The following MAP3K4 variants were observed in gnomAD, a reference collection of about 807,000 sequenced individuals.
MAP3K4 encodes the protein MAP three kinase 1.
A neutral mutation model predicts 185.6 loss-of-function variants in MAP3K4; 67 were observed. That is an observed-to-expected ratio of 0.36 (90% confidence interval 0.30 to 0.44). MAP3K4 has a LOEUF of 0.44. Ranked by LOEUF, MAP3K4 falls within the 20% of genes least tolerant of loss-of-function variation. The probability of loss-of-function intolerance (pLI) is 1.00; values close to 1 mark genes in which losing one functional copy is unlikely to be tolerated. For synonymous variants in MAP3K4, 702 were observed against 710.4 expected, an observed-to-expected ratio of 0.99 and a Z score of 0.19; for missense variants, 1,551 against 1,995.1, an observed-to-expected ratio of 0.78 and a Z score of 4.24.
intron 25 of MAP3K4, among the ~76,000 whole-genome samples, chr6:161,113,790 CTTTTTT>C (rs963260228): frequency 1.4e-5 from 1 of 71,076 alleles, no homozygotes; most frequent in African/African-American, 5.9e-5. Flanking sequence ...ATATGAGTGA[CTTTTTT>C]TTTTTTTTTT....
chr6:161,024,238 G>A (rs1025004490), intron 1 of MAP3K4, among the ~76,000 whole-genome samples: 2 of 152,010 alleles, frequency 1.3e-5, no homozygotes, highest in Non-Finnish European at 2.9e-5. Context: ...TAGAGTGTTG[G>A]GATTATAGAT....
intron 1 of MAP3K4, among the ~76,000 whole-genome samples, chr6:161,027,454 T>G (rs1394972109): frequency 6.6e-6 from 1 of 152,138 alleles, no homozygotes; most frequent in Non-Finnish European, 1.5e-5. Context: ...TGCCTTCAAA[T>G]TAGGTGTAAG....
At position 161,108,803 on chromosome 6, in the gene MAP3K4, T is replaced by C. The variant is rs754673160; in HGVS notation, c.4180T>C (p.Phe1394Leu). 2 of 1,614,060 alleles carry C rather than the reference T, an allele frequency of 1.2e-6. No homozygotes were observed. Among genetic ancestry groups the C allele is most frequent in the East Asian group, 2.2e-5 (1 of 44,878 alleles). Residue 1394 changes from phenylalanine to leucine, a missense_variant, in exon 22 of 27, where the codon TTC becomes CTC. Around this residue, in one of 16 missense-constraint regions of MAP3K4, gnomAD observed 159 missense variants for 300.5 expected, o/e 0.53. Transcript: ENST00000392142. This position sits in a 1 kb window ranked among gnomAD's most constrained non-coding sequence, Gnocchi z 5.7. ...IKETADELKIFEGIKHPNLVR... is the reference protein window; with the variant it reads ...IKETADELKILEGIKHPNLVR... ...GGAAACTGCAGACGAATTGAAAATA[T>C]TCGAAGGCATCAAACACCCCAATCT...
At position 161,026,262 on chromosome 6, in the gene MAP3K4, C is replaced by T. The variant is rs560306004; in HGVS notation, c.153-7997C>T. Reference sequence around the variant, plus strand: ...TCTCCTGCCTCAGCCTCCCGAGTAGCTGGGATTACAGGTGCCCGCCACCAC... The same window carrying T: ...TCTCCTGCCTCAGCCTCCCGAGTAGTTGGGATTACAGGTGCCCGCCACCAC... On this transcript the variant is annotated intron_variant, in intron 1 of 26. Coordinates refer to ENST00000392142, the MANE Select transcript of MAP3K4 (RefSeq NM_005922.4). Among the ~76,000 whole-genome samples the T allele has an allele frequency of 3.3e-5, 5 of 151,770 alleles. No homozygotes were observed. The South Asian group carries it at 1.0e-3, about 32-fold the overall frequency.
chr6:161,028,780 A>G (rs1460177266), intron 1 of MAP3K4, among the ~76,000 whole-genome samples: 1 of 152,224 alleles, frequency 6.6e-6, no homozygotes, highest in East Asian at 1.9e-4. Context: ...ATGCTCTGAA[A>G]CAGTGCAAAA....
rs779350834 is a variant in MAP3K4 at position 160,996,433 on chromosome 6, A to G, written c.152+4350A>G. ...TTCTGAGCTCTGCTGAAATACGGGG[A>G]TATAAAGGTCTTGCCTGCTCACTGG... is the stretch of plus-strand genomic sequence containing the variant. On this transcript the variant is annotated intron_variant, in intron 1 of 26. Coordinates refer to ENST00000392142, the MANE Select transcript of MAP3K4 (RefSeq NM_005922.4). The surrounding 1 kb of genome is among the most constrained non-coding windows in gnomAD (Gnocchi z 4.5). Among the ~76,000 whole-genome samples, 3 of 152,106 alleles carry G rather than the reference A, an allele frequency of 2.0e-5. No homozygotes were observed. The East Asian group carries it at 5.8e-4, about 29-fold the overall frequency.
chr6:161,039,729 A>G (rs139717252), intron 2 of MAP3K4, among the ~76,000 whole-genome samples: 1 of 152,224 alleles, frequency 6.6e-6, no homozygotes, highest in Non-Finnish European at 1.5e-5. Flanking sequence ...TTTTGTAAAG[A>G]TAAGAGAGAT....
rs1785019629 is a variant in MAP3K4, at chr6:161,073,019, AATT to A, written c.1951-443_1951-441del. Among the ~76,000 whole-genome samples the A allele has an allele frequency of 1.3e-5, 2 of 152,210 alleles. No homozygotes were observed. Among genetic ancestry groups the A allele is most frequent in the Non-Finnish European group, 1.5e-5 (1 of 68,018 alleles). On this transcript the variant is annotated intron_variant, in intron 4 of 26. Transcript: ENST00000392142. This position sits in a 1 kb window ranked among gnomAD's most constrained non-coding sequence, Gnocchi z 4.2. ...AAATCACAGTAGGTAAACTATGCTAAATTATTGCGAAGGCCACCTGCTTTGTGG... is the reference window on the plus strand; with the variant it reads ...AAATCACAGTAGGTAAACTATGCTAAATTGCGAAGGCCACCTGCTTTGTGG...
intron 5 of MAP3K4, among the ~76,000 whole-genome samples, chr6:161,079,335 T>G (rs1018548753): frequency 2.6e-5 from 4 of 151,796 alleles, no homozygotes; most frequent in Non-Finnish European, 5.9e-5. Context: ...CCCAGCACTT[T>G]GGGAGGCCAA....
intron 1 of MAP3K4, among the ~76,000 whole-genome samples, chr6:160,999,769 A>C (rs1465655550): frequency 6.6e-6 from 1 of 152,318 alleles, no homozygotes; most frequent in Middle Eastern, 3.4e-3. Flanking sequence ...GCTTAAGCCC[A>C]TGTGCACAGT....
At position 161,106,481 on chromosome 6, in the gene MAP3K4, T is replaced by C. The variant is rs1778077084; in HGVS notation, c.3857-33T>C. On this transcript the variant is annotated intron_variant, in intron 19 of 26. Transcript: ENST00000392142. The surrounding 1 kb of genome is among the most constrained non-coding windows in gnomAD (Gnocchi z 4.9). ...TTGGAAACTGACTTGATAACAGTGA[T>C]TGGGACTAATGAGGTTTTGGTTCTC... The C allele has an allele frequency of 4.0e-6, 6 of 1,518,728 alleles. No individual in the cohort carries two copies. The highest frequency in any genetic ancestry group is 2.5e-5 in the South Asian group (2 of 80,552). The allele number at this position is 1,518,728 out of a possible 1,614,324, so 94.1% of individuals were successfully genotyped here.
chr6:161,033,229 A>T (rs1783011790), intron 1 of MAP3K4, among the ~76,000 whole-genome samples: 1 of 152,170 alleles, frequency 6.6e-6, no homozygotes, highest in South Asian at 2.1e-4. Flanking sequence ...AAGCATATTT[A>T]TATAAATATA....
Position 161,025,515 on chromosome 6 carries a change from G to A in MAP3K4, c.153-8744G>A, listed in dbSNP as rs558509462. Among the ~76,000 whole-genome samples, 16 of 152,286 alleles carry A rather than the reference G, an allele frequency of 1.1e-4. No individual in the cohort carries two copies. In the South Asian group the frequency reaches 1.9e-3, roughly 18 times the overall value. On this transcript the variant is annotated intron_variant, in intron 1 of 26. Transcript: ENST00000392142. ...GGAACTAATGTTTTGAATGTGTGATGTGTGTCATAGGCCATATTTACAGTT... is the reference window on the plus strand; with the variant it reads ...GGAACTAATGTTTTGAATGTGTGATATGTGTCATAGGCCATATTTACAGTT...
intron 3 of MAP3K4, among the ~76,000 whole-genome samples, chr6:161,055,185 C>G (rs1285408976): frequency 1.3e-5 from 2 of 152,176 alleles, no homozygotes; most frequent in African/African-American, 4.8e-5. Flanking sequence ...TGTATGGTGA[C>G]CCTTCCCAAC....
intron 2 of MAP3K4, among the ~76,000 whole-genome samples, chr6:161,038,062 C>CA (rs1783263877): frequency 6.6e-6 from 1 of 152,064 alleles, no homozygotes; most frequent in South Asian, 2.1e-4. Flanking sequence ...CTGCCTTTCT[C>CA]ACGCTTTCTC....
intron 11 of MAP3K4, among the ~76,000 whole-genome samples, chr6:161,090,994 G>T (rs2114866328): frequency 6.6e-6 from 1 of 152,300 alleles, no homozygotes; most frequent in Middle Eastern, 3.4e-3. Flanking sequence ...AGGGAAATGA[G>T]GACAGCACGA....
Position 161,110,213 on chromosome 6 carries a change from G to C in MAP3K4, c.4396+299G>C, listed in dbSNP as rs1008515125. Among the ~76,000 whole-genome samples the C allele has an allele frequency of 6.6e-6, 1 of 152,218 alleles. No individual in the cohort carries two copies. Among genetic ancestry groups the C allele is most frequent in the Non-Finnish European group, 1.5e-5 (1 of 68,022 alleles). ...TAGCCCGTGTACTTACCAGACATTC[G>C]TGATCAAAGCAACCTTTTTTTTCTC... is the stretch of plus-strand genomic sequence containing the variant. On this transcript the variant is annotated intron_variant, in intron 23 of 26. Transcript: ENST00000392142. The surrounding 1 kb of genome is among the most constrained non-coding windows in gnomAD (Gnocchi z 4.8).
intron 3 of MAP3K4, among the ~76,000 whole-genome samples, chr6:161,055,653 C>A (rs1281037812): frequency 1.3e-5 from 2 of 152,186 alleles, no homozygotes; most frequent in Non-Finnish European, 2.9e-5. Context: ...ATTTAATTGT[C>A]ATGTCCATGA....
At chr6:161,041,944 G>C (rs1583155853) in intron 2 of MAP3K4, among the ~76,000 whole-genome samples, 1 of 102,058 alleles carries the variant, frequency 9.8e-6, no homozygotes, top group African/African-American at 4.1e-5. Flanking sequence ...TTTTTTTAGA[G>C]ATGGGGTCTC....
Sources: allele counts gnomAD v4.1 joint callset (sites outside exome capture counted in the v4.1 genomes callset), GRCh38; gene constraint gnomAD v4.1.1; regional missense constraint gnomAD v4.1.1; non-coding constraint Gnocchi (gnomAD v3.1); transcripts MANE v1.5; gene names NCBI Gene and HGNC (gene_info 2026-07-23, HGNC 2026-07-21).